Variants in MYO5B observed in about 807,000 individuals in gnomAD.
MYO5B encodes unconventional myosin-Vb.
In MYO5B, 143 loss-of-function variants were observed where a neutral mutation model predicts 229.3. The ratio of observed to expected loss-of-function variants is 0.62; its 90% CI spans 0.54 to 0.72. The LOEUF (loss-of-function observed/expected upper bound fraction) is 0.72, where lower values mean the gene tolerates loss of function less well. MYO5B is among the 30% of genes least tolerant of loss of function. The pLI is 0.00. For synonymous variants in MYO5B, 918 were observed against 885.2 expected, an observed-to-expected ratio of 1.04 and a Z score of -0.66; for missense variants, 2,321 against 2,331.0, an observed-to-expected ratio of 1.00 and a Z score of 0.09.
At chr18:49,959,581 G>C (rs1365583945) in intron 12 of MYO5B, among the ~76,000 whole-genome samples, 1 of 152,148 alleles carries the variant, frequency 6.6e-6, no homozygotes, top group Non-Finnish European at 1.5e-5. Context: ...CTTTCTTCCA[G>C]GAAACAAAGA....
At chr18:49,880,345 T>C in intron 23 of MYO5B, 26 bp downstream of exon 23, 1 of 1,597,772 alleles carries the variant, frequency 6.3e-7, no homozygotes, top group African/African-American at 1.3e-5. Context: ...AAACCCCAAA[T>C]AAAACTCAAG....
At chr18:49,857,466 A>T (rs2024276272) in intron 29 of MYO5B, among the ~76,000 whole-genome samples, 1 of 152,148 alleles carries the variant, frequency 6.6e-6, no homozygotes, top group African/African-American at 2.4e-5. Context: ...TGCAGACACT[A>T]CCTGCTTTTC....
intron 1 of MYO5B, among the ~76,000 whole-genome samples, chr18:50,160,679 G>A (rs910595184): frequency 1.3e-5 from 2 of 152,140 alleles, no homozygotes; most frequent in South Asian, 2.1e-4. Flanking sequence ...TGAAACTTGT[G>A]TCTTCAGATT....
At chr18:50,041,092 G>A (rs888269363) in intron 2 of MYO5B, among the ~76,000 whole-genome samples, 2 of 152,162 alleles carry the variant, frequency 1.3e-5, no homozygotes, top group African/African-American at 4.8e-5. Flanking sequence ...CTTGGCTGCT[G>A]CTCACCATGT....
At chr18:49,837,466 G>A in intron 37 of MYO5B, 51 bp downstream of exon 37, 1 of 1,603,460 alleles carries the variant, frequency 6.2e-7, no homozygotes, top group Non-Finnish European at 8.5e-7. Context: ...TCTAGCTGCA[G>A]TCAGTGAGGG....
rs1015340191 is a variant in MYO5B at position 49,837,587 on chromosome 18, T to C, written c.5068A>G (p.Asn1690Asp). 1.9e-6 allele frequency: 3 copies of C among 1,614,002 alleles called. No homozygotes were observed. Among genetic ancestry groups the C allele is most frequent in the Non-Finnish European group, 2.5e-6 (3 of 1,179,858 alleles). ...AGCAGGTTGTTAAGAGTCACTGCGT[T>C]GATCATGTAGAAGAGCTGTTTGAAT... ...QVFKQLFYMI[N>D]AVTLNNLLLR... The change falls in exon 37 of 40, where the codon AAC becomes GAC. Residue 1690 changes from asparagine (N) to aspartate (D), a missense_variant. Around this residue, in one of 2 missense-constraint regions of MYO5B, gnomAD observed 208 missense variants for 286.3 expected, o/e 0.73. Coordinates refer to ENST00000285039, the MANE Select transcript of MYO5B (RefSeq NM_001080467.3).
rs1263628193 is a variant in MYO5B, at chr18:50,194,753, G to C, written c.27+14C>G. On this transcript the variant is annotated intron_variant, in intron 1 of 39. Coordinates refer to ENST00000285039, the MANE Select transcript of MYO5B (RefSeq NM_001080467.3). ...ACCCCGGCCCCGGGGCGCCTCCCTC[G>C]CGGCCGCGCTCACCTGGCTGTAGAG... 6.8e-7 allele frequency: 1 copy of C among 1,479,896 alleles called. No individual in the cohort carries two copies. Among genetic ancestry groups the C allele is most frequent in the Non-Finnish European group, 8.9e-7 (1 of 1,119,180 alleles). The allele number at this position is 1,479,896 out of a possible 1,614,324, so 91.7% of individuals were successfully genotyped here.
At chr18:50,146,083 G>T (rs2032498100) in intron 1 of MYO5B, among the ~76,000 whole-genome samples, 1 of 152,210 alleles carries the variant, frequency 6.6e-6, no homozygotes, top group Admixed American at 6.5e-5. Context: ...GTTTAATTAT[G>T]ATTTATTGAG....
At chr18:50,135,307 G>A (rs1260106538) in intron 1 of MYO5B, among the ~76,000 whole-genome samples, 6 of 152,204 alleles carry the variant, frequency 3.9e-5, no homozygotes, top group Non-Finnish European at 8.8e-5. Context: ...CTAGCAGACA[G>A]GCGAGTCCAG....
intron 1 of MYO5B, among the ~76,000 whole-genome samples, chr18:50,065,668 C>G (rs1217956694): frequency 6.6e-6 from 1 of 152,138 alleles, no homozygotes; most frequent in African/African-American, 2.4e-5. Flanking sequence ...CAGAGCCAAA[C>G]CATATCACAG....
At chr18:49,880,536 T>C in intron 22 of MYO5B, 81 bp from the exon 23 acceptor site, 1 of 1,099,932 alleles carries the variant, frequency 9.1e-7, no homozygotes, top group Non-Finnish European at 1.4e-6. Flanking sequence ...GAATTTTAAC[T>C]GGATACATGT....
At position 50,061,931 on chromosome 18, in the gene MYO5B, T is replaced by C. The variant is rs561303381; in HGVS notation, c.28-6553A>G. Among the ~76,000 whole-genome samples, 20 of 152,314 alleles carry C rather than the reference T, an allele frequency of 1.3e-4. No individual in the cohort carries two copies. In the South Asian group the frequency reaches 4.1e-3, roughly 32 times the overall value. ...AACTTAGTTTCAAAACTGAATTAGG[T>C]TGAGCAGGGTTATCAATCCTCTTTT... On this transcript the variant is annotated intron_variant, in intron 1 of 39. Transcript: ENST00000285039.
At chr18:50,016,815 A>T (rs886844621) in intron 4 of MYO5B, among the ~76,000 whole-genome samples, 7 of 150,306 alleles carry the variant, frequency 4.7e-5, no homozygotes, top group African/African-American at 1.7e-4. Flanking sequence ...ACCAATCCCC[A>T]GACCTTGCCC....
rs2025724709 is a variant in MYO5B, at chr18:49,974,558, TCTGA to T, written c.1110_1113del (p.Ser370ArgfsTer27). ...TTGCGATGACACAGCCAGTGCTCCATCTGACTGTGCTCCACCCCTAGCAGTCGGC... is the reference window on the plus strand; with the variant it reads ...TTGCGATGACACAGCCAGTGCTCCATCTGTGCTCCACCCCTAGCAGTCGGC... On this transcript the variant is annotated frameshift_variant, in exon 10 of 40. Coordinates refer to ENST00000285039, the MANE Select transcript of MYO5B (RefSeq NM_001080467.3). LOFTEE classifies it high-confidence loss of function. The T allele has an allele frequency of 6.2e-7, 1 of 1,614,108 alleles. No individual in the cohort carries two copies. The highest frequency in any genetic ancestry group is 8.5e-7 in the Non-Finnish European group (1 of 1,179,974).
At chr18:49,842,796 C>A (rs1327381783) in intron 34 of MYO5B, among the ~76,000 whole-genome samples, 1 of 152,206 alleles carries the variant, frequency 6.6e-6, no homozygotes, top group East Asian at 1.9e-4. Context: ...AATGTCACAG[C>A]CCTCCCTGTG....
chr18:49,856,040 C>T lies in MYO5B; in HGVS notation c.4022+773G>A, dbSNP rs672373. Reference sequence around the variant, plus strand: ...TGCCACAGCTCTTAAAAGCCACCTGCAGTCAACTGGCCTATGGTGTGACCA... The same window carrying T: ...TGCCACAGCTCTTAAAAGCCACCTGTAGTCAACTGGCCTATGGTGTGACCA... On this transcript the variant is annotated intron_variant, in intron 30 of 39. Coordinates refer to ENST00000285039, the MANE Select transcript of MYO5B (RefSeq NM_001080467.3). Among the ~76,000 whole-genome samples, 510 of 152,360 alleles carry T rather than the reference C, an allele frequency of 3.3e-3. 3 individuals are homozygous for T. The highest frequency in any genetic ancestry group is 0.012 in the African/African-American group (499 of 41,588).
chr18:49,902,613 T>C lies in MYO5B; in HGVS notation c.2792A>G (p.Gln931Arg). 1 of 1,612,942 alleles carries C rather than the reference T, an allele frequency of 6.2e-7. No homozygotes were observed. The highest frequency in any genetic ancestry group is 8.5e-7 in the Non-Finnish European group (1 of 1,180,026). ...ACTGACCTGCTCATCGATCTTCCGC[T>C]GCAGCTGGACCACCTTGTTCTCCAT... ...VGMENKVVQLQRKIDEQNKEF... is the reference protein window; with the variant it reads ...VGMENKVVQLRRKIDEQNKEF... Residue 931 changes from glutamine (Q) to arginine (R), a missense_variant, in exon 21 of 40, where the codon CAG (glutamine) becomes CGG (arginine). Physicochemically the swap from Gln to Arg is conservative, Grantham distance 43. This residue lies in a region of MYO5B where 2,113 missense variants were observed against 2,044.7 expected (regional missense o/e 1.03). Coordinates refer to ENST00000285039, the MANE Select transcript of MYO5B (RefSeq NM_001080467.3).
Position 50,195,004 on chromosome 18 carries a change from T to G in MYO5B, c.-211A>C. 3.4e-6 allele frequency: 2 copies of G among 585,084 alleles called. No individual in the cohort carries two copies. The highest frequency in any genetic ancestry group is 2.4e-6 in the Non-Finnish European group (1 of 410,546). The allele number at this position is 585,084 out of a possible 1,614,324, so 36.2% of individuals were successfully genotyped here. A position where few individuals can be genotyped will look rare whatever the true frequency, so the allele number is the denominator to read the frequency against. ...TTTACTCCCGCCGCGGCGGCGCAGC[T>G]ACGGCCGGACAGGAGTTGCGAGCGC... On this transcript the variant is annotated 5_prime_UTR_variant, in exon 1 of 40. Coordinates refer to ENST00000285039, the MANE Select transcript of MYO5B (RefSeq NM_001080467.3).
At chr18:49,945,938 C>T (rs1343448318) in intron 14 of MYO5B, among the ~76,000 whole-genome samples, 1 of 152,150 alleles carries the variant, frequency 6.6e-6, no homozygotes, top group Non-Finnish European at 1.5e-5. Context: ...TGATTCATGC[C>T]TGTCTGTCAT....
Sources: gnomAD v4.1 joint callset for allele counts (sites outside exome capture counted in the v4.1 genomes callset) on GRCh38, gnomAD v4.1.1 for gene constraint, gnomAD v4.1.1 regional missense constraint, MANE v1.5 for transcripts, NCBI Gene and HGNC (gene_info 2026-07-23, HGNC 2026-07-21) for gene names.